BPIFB3: variants seen among roughly 807,000 people sequenced by gnomAD.
BPIFB3 encodes the protein BPI fold containing family B member 3.
A neutral mutation model predicts 53.1 loss-of-function variants in BPIFB3; 49 were observed. That is an observed-to-expected ratio of 0.92 (90% confidence interval 0.73 to 1.17). The LOEUF (loss-of-function observed/expected upper bound fraction) is 1.17, where lower values mean the gene tolerates loss of function less well. Among genes scored for constraint, BPIFB3 ranks in the 50% most tolerant of loss-of-function variants. The pLI, the probability that BPIFB3 is intolerant of heterozygous loss-of-function variation, is 0.00. For missense variants in BPIFB3, 628 were observed against 592.5 expected (o/e 1.06, Z -0.62); for synonymous variants, 271 against 269.6 (o/e 1.01, Z -0.05).
chr20:33,061,889 CT>C (rs1402012555), intron 5 of BPIFB3, 58 bp downstream of exon 6: 1 of 1,594,340 alleles, frequency 6.3e-7, no homozygotes, highest in Non-Finnish European at 8.6e-7. Flanking sequence ...CTCTTTCCCC[CT>C]CTGGTTTTGG....
chr20:33,069,232 G>A (rs1212765502), intron 10 of BPIFB3, among the ~76,000 whole-genome samples: 2 of 152,106 alleles, frequency 1.3e-5, no homozygotes, highest in African/African-American at 4.8e-5. Context: ...GGGGATCTCA[G>A]ACGTTGCTCC....
chr20:33,072,456 A>G (rs1365231055), intron 13 of BPIFB3, among the ~76,000 whole-genome samples: 1 of 152,234 alleles, frequency 6.6e-6, no homozygotes, highest in African/African-American at 2.4e-5. Flanking sequence ...TAGAATATAG[A>G]TGACCCAGAG....
intron 10 of BPIFB3, 45 bp downstream of exon 11, chr20:33,069,018 A>C: frequency 6.3e-7 from 1 of 1,585,142 alleles, no homozygotes; most frequent in Non-Finnish European, 8.6e-7. Flanking sequence ...TGGGGTTCCA[A>C]ATGGGGGTGA....
At chr20:33,066,853 A>C (rs1980691736) in exon 9 of BPIFB3, 4 of 1,614,214 alleles carry the variant, frequency 2.5e-6, no homozygotes, top group Non-Finnish European at 2.5e-6. Context: ...TGACAACTAC[A>C]GACCTGGCAG....
In BPIFB3 at chr20:33,056,532, C is replaced by T. The variant is rs760169271; in HGVS notation, c.125-10C>T. 3.7e-6 allele frequency: 6 copies of T among 1,613,606 alleles called. No homozygotes were observed. Among genetic ancestry groups the T allele is most frequent in the Admixed American group, 1.7e-5 (1 of 59,998 alleles). On this transcript the variant is annotated splice_polypyrimidine_tract_variant and intron_variant, in intron 1 of 14. Transcript: ENST00000375494. ...TTTCTAGTACCTTCCTACTTCCACT[C>T]TCTCTGCAGCCATCCAGAACTCACT...
chr20:33,068,060 T>A (rs1320689998), intron 9 of BPIFB3, among the ~76,000 whole-genome samples: 6 of 152,226 alleles, frequency 3.9e-5, no homozygotes, highest in Non-Finnish European at 7.3e-5. Context: ...GCAGTCAGCG[T>A]ATATCCACTG....
At chr20:33,056,723 T>A in intron 2 of BPIFB3, 25 bp downstream of exon 3, 2 of 1,532,088 alleles carry the variant, frequency 1.3e-6, no homozygotes, top group Non-Finnish European at 1.7e-6. Context: ...CTGCATGCCC[T>A]ACAGGAAGAC....
At chr20:33,055,636 T>C (rs1980168197) in intron 1 of BPIFB3, 89 bp downstream of exon 2, 1 of 1,571,030 alleles carries the variant, frequency 6.4e-7, no homozygotes, top group African/African-American at 1.3e-5. Flanking sequence ...TAAGAGCAGA[T>C]AAGAGCAGGT....
At chr20:33,071,443 C>G in intron 12 of BPIFB3, 148 bp downstream of exon 13, 2 of 899,798 alleles carry the variant, frequency 2.2e-6, no homozygotes, top group East Asian at 5.3e-5. Context: ...GGGCAAATAT[C>G]AGGGCGGGTG....
chr20:33,073,585 G>A, exon 15 of BPIFB3: 1 of 1,614,096 alleles, frequency 6.2e-7, no homozygotes, highest in South Asian at 1.1e-5. Context: ...GAATGCTGTT[G>A]TGCTGACCGT....
intron 5 of BPIFB3, 106 bp from the exon 7 acceptor site, chr20:33,063,509 G>T: frequency 7.9e-7 from 1 of 1,263,838 alleles, no homozygotes; most frequent in Non-Finnish European, 1.1e-6. Flanking sequence ...GCCTTGCCTT[G>T]GTCCCCAGCA....
intron 9 of BPIFB3, among the ~76,000 whole-genome samples, chr20:33,068,448 C>A (rs939676804): frequency 6.6e-6 from 1 of 152,176 alleles, no homozygotes; most frequent in Non-Finnish European, 1.5e-5. Flanking sequence ...TCCCTGGCAG[C>A]TGGAGGAGCA....
rs2146382586 is a variant in BPIFB3, at chr20:33,060,103, A to C, written c.527+72A>C. 5 of 1,562,948 alleles carry C rather than the reference A, an allele frequency of 3.2e-6. No homozygotes were observed. The East Asian group carries it at 1.1e-4, about 35-fold the overall frequency. On this transcript the variant is annotated intron_variant, in intron 4 of 14. Coordinates refer to ENST00000375494, the Ensembl canonical transcript of BPIFB3. The stretch of plus-strand genomic sequence containing the variant: ...TCTCGCACCCATCTGGGCATCTCCC[A>C]GGTCTCCCTGGAGCTGCCAGCTGCG...
At chr20:33,066,594 G>A (rs977812357) in intron 8 of BPIFB3, among the ~76,000 whole-genome samples, 16 of 152,326 alleles carry the variant, frequency 1.1e-4, no homozygotes, top group Non-Finnish European at 1.8e-4. Context: ...TCTTTGAGCT[G>A]TTGTAAAGGT....
At chr20:33,073,450 CA>C in intron 14 of BPIFB3, 125 bp from the exon 16 acceptor site, 4 of 890,320 alleles carry the variant, frequency 4.5e-6, no homozygotes, top group Non-Finnish European at 6.9e-6. Flanking sequence ...TTCATTTATT[CA>C]TTTAATGAGT....
At chr20:33,061,728 C>T (rs1438578568) in intron 4 of BPIFB3, 40 bp from the exon 6 acceptor site, 1 of 1,602,234 alleles carries the variant, frequency 6.2e-7, no homozygotes, top group East Asian at 2.2e-5. Flanking sequence ...TTGAACCGTC[C>T]ACCTGGCAGC....
chr20:33,057,201 T>C (rs977986706), intron 2 of BPIFB3, among the ~76,000 whole-genome samples: 4 of 152,162 alleles, frequency 2.6e-5, no homozygotes, highest in African/African-American at 9.7e-5. Flanking sequence ...TTTTCCCTTT[T>C]TTTTTGAGAC....
intron 6 of BPIFB3, 37 bp from the exon 8 acceptor site, chr20:33,064,420 C>G: frequency 6.5e-7 from 1 of 1,534,382 alleles, no homozygotes. Flanking sequence ...GGGAACTGGG[C>G]TTATAGGGTC....
chr20:33,071,379 G>A (rs746556754), intron 12 of BPIFB3, 84 bp downstream of exon 13: 1,127 of 1,436,638 alleles, frequency 7.8e-4, no homozygotes, highest in Non-Finnish European at 1.0e-3. Context: ...TGAGTCATGG[G>A]CCATATGACT....
Sources: allele counts gnomAD v4.1 joint callset (sites outside exome capture counted in the v4.1 genomes callset), GRCh38; gene constraint gnomAD v4.1.1; transcripts MANE v1.5; gene names NCBI Gene and HGNC (gene_info 2026-07-23, HGNC 2026-07-21).